Variants in OR1J2 observed in about 807,000 individuals in gnomAD.
OR1J2 encodes olfactory receptor 1J2.
For synonymous variants in OR1J2, 142 were observed against 99.7 expected (o/e 1.42, Z -2.52); for missense variants, 304 against 246.1 (o/e 1.24, Z -1.57).
the OR1J2 span, chr9:122,553,848 C>G: frequency 6.2e-7 from 1 of 1,614,030 alleles, no homozygotes; most frequent in Non-Finnish European, 8.5e-7. Flanking sequence ...CCTCACTGTT[C>G]CCCTCCTGCT....
chr9:122,523,383 G>A, the OR1J2 span, among the ~76,000 whole-genome samples: 1 of 152,118 alleles, frequency 6.6e-6, no homozygotes, highest in African/African-American at 2.4e-5. Context: ...GCAAGTGATG[G>A]GCACCATTGG....
the OR1J2 span, among the ~76,000 whole-genome samples, chr9:122,496,441 G>A: frequency 9.9e-5 from 15 of 152,234 alleles, no homozygotes; most frequent in African/African-American, 3.6e-4. Flanking sequence ...TAGGCCAATG[G>A]AGTTATATTC....
the OR1J2 span, among the ~76,000 whole-genome samples, chr9:122,557,201 A>T: frequency 6.6e-6 from 1 of 152,074 alleles, no homozygotes; most frequent in Non-Finnish European, 1.5e-5. Flanking sequence ...ATTCCTTCTG[A>T]ATCTGTATAC....
chr9:122,574,201 TAC>T, the OR1J2 span, among the ~76,000 whole-genome samples: 121 of 152,292 alleles, frequency 7.9e-4, no homozygotes, highest in African/African-American at 2.7e-3. Context: ...CTTTTGCCTC[TAC>T]ATATAAACTT....
At chr9:122,530,252 A>G in the OR1J2 span, among the ~76,000 whole-genome samples, 1 of 152,174 alleles carries the variant, frequency 6.6e-6, no homozygotes, top group Non-Finnish European at 1.5e-5. Flanking sequence ...AGTATTTGAG[A>G]TGACCTGGGA....
the OR1J2 span, chr9:122,519,758 C>T: frequency 1.9e-6 from 3 of 1,614,160 alleles, no homozygotes; most frequent in South Asian, 3.3e-5. Context: ...GACAGGCAGT[C>T]ATTACTCTAC....
chr9:122,484,539 T>C, the OR1J2 span, among the ~76,000 whole-genome samples: 5 of 152,236 alleles, frequency 3.3e-5, no homozygotes, highest in Middle Eastern at 3.4e-3. Context: ...TATTGGCCTA[T>C]GGTAAAGAAC....
At chr9:122,504,757 T>C in the OR1J2 span, among the ~76,000 whole-genome samples, 1 of 152,134 alleles carries the variant, frequency 6.6e-6, no homozygotes, top group African/African-American at 2.4e-5. Flanking sequence ...GTCTTTGCTT[T>C]ACAGTCTACC....
upstream of OR1J2, among the ~76,000 whole-genome samples, chr9:122,510,004 G>A (rs373758068): frequency 4.6e-5 from 7 of 152,040 alleles, no homozygotes; most frequent in Admixed American, 2.6e-4. Flanking sequence ...CGGGGGGTGC[G>A]GGAGGAAGAG....
chr9:122,474,148 G>A, the OR1J2 span, among the ~76,000 whole-genome samples: 3 of 152,084 alleles, frequency 2.0e-5, no homozygotes, highest in South Asian at 2.1e-4. Context: ...AACTGGACTC[G>A]TCATATTATG....
the OR1J2 span, among the ~76,000 whole-genome samples, chr9:122,543,769 G>C: frequency 6.6e-6 from 1 of 152,276 alleles, no homozygotes; most frequent in African/African-American, 2.4e-5. Context: ...CCAGAGATCT[G>C]ATTAAACAAG....
the OR1J2 span, among the ~76,000 whole-genome samples, chr9:122,471,662 CTG>C: frequency 6.6e-6 from 1 of 152,198 alleles, no homozygotes; most frequent in East Asian, 1.9e-4. Flanking sequence ...AAATTAGACA[CTG>C]TGGAATCTAG....
the OR1J2 span, chr9:122,568,628 G>C: frequency 5.3e-6 from 3 of 565,728 alleles, no homozygotes; most frequent in East Asian, 2.9e-5. Context: ...TTCACCTCAT[G>C]GTCCTTGATG....
chr9:122,539,645 G>A, the OR1J2 span, among the ~76,000 whole-genome samples: 1 of 152,024 alleles, frequency 6.6e-6, no homozygotes, highest in Non-Finnish European at 1.5e-5. Context: ...TGGGATGGCT[G>A]GGTCAAATGG....
the OR1J2 span, among the ~76,000 whole-genome samples, chr9:122,497,047 C>G: frequency 2.5e-4 from 38 of 152,254 alleles, no homozygotes; most frequent in African/African-American, 6.0e-4. Flanking sequence ...CTCCTTCCCC[C>G]CTGTACATCC....
the OR1J2 span, among the ~76,000 whole-genome samples, chr9:122,534,388 C>A: frequency 6.6e-6 from 1 of 152,058 alleles, no homozygotes; most frequent in Admixed American, 6.5e-5. Flanking sequence ...CTCAGTGTTG[C>A]AACCAAACGA....
the OR1J2 span, chr9:122,553,579 A>G: frequency 3.8e-5 from 62 of 1,614,036 alleles, no homozygotes; most frequent in African/African-American, 6.0e-4. Context: ...GTGATGGCAT[A>G]TGACCGCTAT....
the OR1J2 span, among the ~76,000 whole-genome samples, chr9:122,579,426 T>C: frequency 1.3e-5 from 2 of 152,180 alleles, no homozygotes; most frequent in Non-Finnish European, 2.9e-5. Context: ...ATAAAGTCGC[T>C]CTTTCTCTCC....
chr9:122,452,804 G>A, the OR1J2 span, among the ~76,000 whole-genome samples: 56 of 151,654 alleles, frequency 3.7e-4, 1 homozygote, highest in African/African-American at 1.1e-3. Context: ...CGAAGCTGGC[G>A]GATCACCTGA....
Sources: allele counts gnomAD v4.1 joint callset (sites outside exome capture counted in the v4.1 genomes callset), GRCh38; gene constraint gnomAD v4.1.1; transcripts MANE v1.5; gene names NCBI Gene and HGNC (gene_info 2026-07-23, HGNC 2026-07-21).